The following RGS10 variants were observed in gnomAD, a reference collection of about 807,000 sequenced individuals.
The protein encoded by RGS10 is regulator of G-protein signalling 10.
RGS10 carries 11 observed loss-of-function variants against 23.5 expected under a neutral mutation model. That is an observed-to-expected ratio of 0.47 (90% CI 0.29 to 0.77). The LOEUF (loss-of-function observed/expected upper bound fraction) is 0.77, where lower values mean the gene tolerates loss of function less well. Ranked by LOEUF, RGS10 falls within the 30% of genes least tolerant of loss-of-function variation. The probability of loss-of-function intolerance (pLI) is 0.08; values close to 1 mark genes in which losing one functional copy is unlikely to be tolerated. For synonymous variants in RGS10, 77 were observed against 83.2 expected (o/e 0.92, Z 0.41); for missense variants, 180 against 226.3 (o/e 0.80, Z 1.31).
At chr10:119,525,295 G>T (rs1210691647) in intron 3 of RGS10, among the ~76,000 whole-genome samples, 1 of 152,150 alleles carries the variant, frequency 6.6e-6, no homozygotes, top group Non-Finnish European at 1.5e-5. Flanking sequence ...CACAGGCCCT[G>T]AACCACCAGC....
chr10:119,521,627 A>AAGG (rs1844217781), intron 3 of RGS10, among the ~76,000 whole-genome samples: 17 of 119,910 alleles, frequency 1.4e-4, no homozygotes, highest in African/African-American at 2.0e-4. Flanking sequence ...GGAAGGAAAG[A>AAGG]AAGGAAGGAA....
intron 4 of RGS10, among the ~76,000 whole-genome samples, chr10:119,510,212 G>A (rs1346856463): frequency 6.6e-6 from 1 of 152,164 alleles, no homozygotes; most frequent in Non-Finnish European, 1.5e-5. Context: ...AACAGCCACT[G>A]TTCACATCCC....
intron 1 of RGS10, among the ~76,000 whole-genome samples, chr10:119,529,456 A>G (rs771134003): frequency 1.3e-5 from 2 of 152,160 alleles, no homozygotes; most frequent in Non-Finnish European, 2.9e-5. Context: ...CTCTGACTCA[A>G]ACGAAACAAA....
chr10:119,507,146 C>T (rs987733454), intron 4 of RGS10, among the ~76,000 whole-genome samples: 3 of 152,208 alleles, frequency 2.0e-5, no homozygotes, highest in Non-Finnish European at 4.4e-5. Flanking sequence ...CCTGCCCTTT[C>T]TAGCGGAGCA....
rs1174589152 is a variant in RGS10, at chr10:119,515,351, C to T, written c.399+158G>A. Reference sequence around the variant, plus strand: ...AATCTCAAGCTTAGAATTCTGGTCCCCACTCTCCCCAACCATGGCCCCTCA... The same window carrying T: ...AATCTCAAGCTTAGAATTCTGGTCCTCACTCTCCCCAACCATGGCCCCTCA... On this transcript the variant is annotated intron_variant, in intron 4 of 4. Transcript: ENST00000369103. 45 of 809,628 alleles carry T rather than the reference C, an allele frequency of 5.6e-5. No individual in the cohort carries two copies. The East Asian group carries it at 1.2e-3, about 21-fold the overall frequency. 50.2% of individuals were successfully genotyped at this position (809,628 alleles called of 1,614,324 possible).
At chr10:119,518,298 G>A (rs11198986) in intron 3 of RGS10, among the ~76,000 whole-genome samples, 6,515 of 152,226 alleles carry the variant, frequency 0.043, 251 homozygotes, top group East Asian at 0.2. Flanking sequence ...AGCATCTGAG[G>A]CTGTCCTGGC....
intron 4 of RGS10, 139 bp downstream of exon 4, chr10:119,515,370 C>T: frequency 2.1e-6 from 2 of 970,648 alleles, no homozygotes; most frequent in East Asian, 5.3e-5. Flanking sequence ...CCAACCATGG[C>T]CCCTCAGTGT....
chr10:119,540,883 T>C (rs1280571560), intron 1 of RGS10, among the ~76,000 whole-genome samples: 1 of 152,234 alleles, frequency 6.6e-6, no homozygotes, highest in Non-Finnish European at 1.5e-5. Flanking sequence ...GTTTTGAGTA[T>C]TTAATCCCAT....
At chr10:119,541,817 G>A (rs1208141192) in intron 1 of RGS10, among the ~76,000 whole-genome samples, 2 of 152,232 alleles carry the variant, frequency 1.3e-5, no homozygotes, top group African/African-American at 4.8e-5. Context: ...GGGGTGAAGG[G>A]AGAGTTCACC....
At chr10:119,504,117 T>G (rs2133944432) in intron 4 of RGS10, among the ~76,000 whole-genome samples, 1 of 152,360 alleles carries the variant, frequency 6.6e-6, no homozygotes, top group South Asian at 2.1e-4. Context: ...CCGTGAATGT[T>G]AAATGACTGA....
At chr10:119,519,421 C>T (rs1228483228) in intron 3 of RGS10, among the ~76,000 whole-genome samples, 4 of 143,018 alleles carry the variant, frequency 2.8e-5, no homozygotes, top group African/African-American at 1.1e-4. Context: ...GTCTGTCTCC[C>T]AGCTTCTGTC....
chr10:119,500,315 C>T, intron 4 of RGS10, 56 bp from the exon 5 acceptor site: 1 of 1,520,704 alleles, frequency 6.6e-7, no homozygotes, highest in African/African-American at 1.4e-5. Context: ...GGCCATAAAT[C>T]ATCCCATCAG....
At chr10:119,516,591 C>T (rs922115493) in intron 3 of RGS10, 1 of 152,190 alleles carries the variant, frequency 6.6e-6, no homozygotes, top group Non-Finnish European at 1.5e-5. Context: ...TTTTAGCTAA[C>T]GAGATACTGA....
chr10:119,516,946 C>T (rs1476041200), intron 3 of RGS10, among the ~76,000 whole-genome samples: 1 of 152,200 alleles, frequency 6.6e-6, no homozygotes, highest in Non-Finnish European at 1.5e-5. Flanking sequence ...CATGACCTTA[C>T]CCTACAGAGC....
intron 4 of RGS10, among the ~76,000 whole-genome samples, chr10:119,508,264 T>G (rs1270273815): frequency 6.6e-6 from 1 of 152,154 alleles, no homozygotes; most frequent in Non-Finnish European, 1.5e-5. Context: ...CCTCCCAAAG[T>G]GCTGGGATTA....
At chr10:119,515,095 T>C (rs1472167723) in intron 4 of RGS10, among the ~76,000 whole-genome samples, 1 of 152,206 alleles carries the variant, frequency 6.6e-6, no homozygotes, top group African/African-American at 2.4e-5. Context: ...CAGAAGTATG[T>C]GGAGGTGTCT....
Position 119,510,629 on chromosome 10 carries a change from T to C in RGS10, c.399+4880A>G, listed in dbSNP as rs1367858088. Among the ~76,000 whole-genome samples, 5 of 152,298 alleles carry C rather than the reference T, an allele frequency of 3.3e-5. No homozygotes were observed. In the South Asian group the frequency reaches 1.0e-3, roughly 32 times the overall value. On this transcript the variant is annotated intron_variant, in intron 4 of 4. Transcript: ENST00000369103. ...TGGTACAGAGTAGGGCCTCAGTTCA[T>C]AATTGCAGCATAAAGGAATGAATAA... is the stretch of plus-strand genomic sequence containing the variant.
In RGS10 at chr10:119,524,890, C is replaced by G. The variant is rs1844255951; in HGVS notation, c.255+1142G>C. On this transcript the variant is annotated intron_variant, in intron 3 of 4. Transcript: ENST00000369103. The surrounding 1 kb of genome is among the most constrained non-coding windows in gnomAD (Gnocchi z 5.2). ...CTGCGCCATCCAGGAGGATGGGTGT[C>G]TGCGCCCGGAAAGGCCTTTGAATAA... Among the ~76,000 whole-genome samples the G allele has an allele frequency of 6.6e-6, 1 of 152,152 alleles. No individual in the cohort carries two copies. The highest frequency in any genetic ancestry group is 2.1e-4 in the South Asian group (1 of 4,830).
At chr10:119,518,712 CT>C (rs901649220) in intron 3 of RGS10, among the ~76,000 whole-genome samples, 45 of 147,704 alleles carry the variant, frequency 3.0e-4, no homozygotes, top group African/African-American at 6.2e-4. Context: ...CCCAATCCCT[CT>C]TTTTTTTTTT....
Sources: gnomAD v4.1 joint callset for allele counts (sites outside exome capture counted in the v4.1 genomes callset) on GRCh38, gnomAD v4.1.1 for gene constraint, Gnocchi (gnomAD v3.1) non-coding constraint, MANE v1.5 for transcripts, NCBI Gene and HGNC (gene_info 2026-07-23, HGNC 2026-07-21) for gene names.